Variants in SUPT3H observed in about 807,000 individuals in gnomAD.
SUPT3H encodes the protein transcription initiation protein SPT3 homolog.
A neutral mutation model predicts 44.3 loss-of-function variants in SUPT3H; 44 were observed. The observed-to-expected ratio is 0.99, with a 90% CI of 0.78 to 1.28. The LOEUF (loss-of-function observed/expected upper bound fraction) is 1.28. Among genes scored for constraint, SUPT3H ranks in the 50% most tolerant of loss-of-function variants. SUPT3H has a pLI of 0.00. For missense variants in SUPT3H, 380 were observed against 387.1 expected (o/e 0.98, Z 0.15); for synonymous variants, 124 against 125.6 (o/e 0.99, Z 0.09).
chr6:45,287,927 G>C (rs573540534), intron 2 of SUPT3H, among the ~76,000 whole-genome samples: 6 of 152,210 alleles, frequency 3.9e-5, no homozygotes, highest in African/African-American at 1.4e-4. Context: ...TTGAAAATGA[G>C]ATCTGCTGCA....
intron 1 of SUPT3H, among the ~76,000 whole-genome samples, chr6:45,373,102 C>T (rs556860565): frequency 9.2e-5 from 14 of 152,226 alleles, no homozygotes; most frequent in Admixed American, 6.5e-4. Context: ...TCACCGCACC[C>T]GGCCCAGCTA....
intron 2 of SUPT3H, among the ~76,000 whole-genome samples, chr6:45,171,282 A>C (rs1189280324): frequency 1.3e-5 from 2 of 152,226 alleles, no homozygotes; most frequent in Non-Finnish European, 2.9e-5. Flanking sequence ...AGAAAAAAGC[A>C]ATCTGTCATA....
intron 2 of SUPT3H, among the ~76,000 whole-genome samples, chr6:45,146,516 A>T (rs1195065841): frequency 6.6e-6 from 1 of 152,150 alleles, no homozygotes; most frequent in Non-Finnish European, 1.5e-5. Flanking sequence ...AGAATCTCAG[A>T]AATCACCACT....
chr6:45,264,439 C>G (rs941878168), intron 2 of SUPT3H, among the ~76,000 whole-genome samples: 6 of 152,062 alleles, frequency 3.9e-5, no homozygotes, highest in African/African-American at 1.4e-4. Context: ...GCAGGTGGAT[C>G]ACTTGAGATC....
rs557766402 is a variant in SUPT3H, at chr6:45,292,335, C to T, written c.101+72866G>A. Among the ~76,000 whole-genome samples, 3 of 152,148 alleles carry T rather than the reference C, an allele frequency of 2.0e-5. No individual in the cohort carries two copies. The South Asian group carries it at 6.2e-4, about 32-fold the overall frequency. On this transcript the variant is annotated intron_variant, in intron 2 of 10. Transcript: ENST00000371459. ...CTGGAAGCACATCAAAATAGAACCA[C>T]TTTAAAGCATAAATCTCACAGGACC...
chr6:45,340,420 C>T (rs1258208020), intron 2 of SUPT3H, among the ~76,000 whole-genome samples: 1 of 152,032 alleles, frequency 6.6e-6, no homozygotes, highest in Non-Finnish European at 1.5e-5. Context: ...ACCTCCTGAG[C>T]TCAAGGGATC....
chr6:44,857,915 A>G (rs1774008452), intron 10 of SUPT3H, among the ~76,000 whole-genome samples: 1 of 152,212 alleles, frequency 6.6e-6, no homozygotes, highest in Non-Finnish European at 1.5e-5. Flanking sequence ...TTCTCAGAAC[A>G]CATAATGCTC....
intron 2 of SUPT3H, among the ~76,000 whole-genome samples, chr6:45,283,740 T>C (rs1015152596): frequency 6.6e-6 from 1 of 151,386 alleles, no homozygotes; most frequent in Non-Finnish European, 1.5e-5. Flanking sequence ...ACAGACATAA[T>C]AGACATCTAC....
At chr6:45,107,831 C>T (rs1038607950) in intron 2 of SUPT3H, among the ~76,000 whole-genome samples, 2 of 151,988 alleles carry the variant, frequency 1.3e-5, no homozygotes, top group African/African-American at 4.8e-5. Flanking sequence ...AGACCTACAG[C>T]CTATACATAC....
At chr6:45,367,569 C>T (rs1356805650) in intron 1 of SUPT3H, among the ~76,000 whole-genome samples, 2 of 152,070 alleles carry the variant, frequency 1.3e-5, no homozygotes, top group African/African-American at 4.8e-5. Context: ...CTGGATTTCT[C>T]AAAGACCTCA....
intron 10 of SUPT3H, among the ~76,000 whole-genome samples, chr6:44,849,220 CTTTTTTTT>C (rs143665414): frequency 8.3e-5 from 8 of 96,634 alleles, no homozygotes; most frequent in Admixed American, 6.2e-4. Flanking sequence ...CAAATGAATA[CTTTTTTTT>C]TTTTTTTTTT....
At chr6:44,846,736 A>G (rs1002608690) in intron 10 of SUPT3H, among the ~76,000 whole-genome samples, 9 of 151,996 alleles carry the variant, frequency 5.9e-5, no homozygotes, top group African/African-American at 2.2e-4. Flanking sequence ...GGTTCAAGCA[A>G]TTCTCCTGCC....
At chr6:45,275,033 T>G (rs1317433706) in intron 2 of SUPT3H, among the ~76,000 whole-genome samples, 1 of 152,206 alleles carries the variant, frequency 6.6e-6, no homozygotes, top group Non-Finnish European at 1.5e-5. Flanking sequence ...CTGAGATAAA[T>G]TTCCCTGAAA....
chr6:44,857,455 A>G (rs1773922911), intron 10 of SUPT3H, among the ~76,000 whole-genome samples: 1 of 152,188 alleles, frequency 6.6e-6, no homozygotes, highest in South Asian at 2.1e-4. Context: ...AAAAAAATCC[A>G]TATCAATTGG....
In SUPT3H at chr6:44,828,642, T is replaced by C. The variant is rs1018955608; in HGVS notation, c.*1174A>G. The C allele has an allele frequency of 4.6e-5, 7 of 152,164 alleles. No individual in the cohort carries two copies. Among genetic ancestry groups the C allele is most frequent in the African/African-American group, 1.7e-4 (7 of 41,448 alleles). The allele number at this position is 152,164 out of a possible 1,614,324, so 9.4% of individuals were successfully genotyped here. ...GGTGAAGGGAGAACTATTTCTACTT[T>C]CTTTACCCTTAAATCTAGGAAGCAG... On this transcript the variant is annotated 3_prime_UTR_variant, in exon 11 of 11. Transcript: ENST00000371459.
At chr6:45,043,134 T>TACACACACACACAC (rs773611251) in intron 3 of SUPT3H, among the ~76,000 whole-genome samples, 1 of 50,488 alleles carries the variant, frequency 2.0e-5, no homozygotes, top group African/African-American at 7.8e-5. Context: ...GTATCTTACA[T>TACACACACACACAC]ACACACATAC....
chr6:45,089,520 C>A (rs533633238), intron 3 of SUPT3H, among the ~76,000 whole-genome samples: 1 of 152,110 alleles, frequency 6.6e-6, no homozygotes, highest in African/African-American at 2.4e-5. Flanking sequence ...CTAAAACCAC[C>A]ATTTCTCTTC....
intron 2 of SUPT3H, among the ~76,000 whole-genome samples, chr6:45,251,981 T>G (rs1274574923): frequency 6.6e-6 from 1 of 152,048 alleles, no homozygotes; most frequent in South Asian, 2.1e-4. Context: ...CATGTTTAAA[T>G]AAAGAAAAGG....
intron 2 of SUPT3H, chr6:45,328,641 GGTATGGTTT>G: frequency 6.2e-7 from 1 of 1,610,188 alleles, no homozygotes; most frequent in Non-Finnish European, 8.5e-7. Flanking sequence ...ACAAGGTTTG[GGTATGGTTT>G]GTATTTTCAG....
Sources: allele counts gnomAD v4.1 joint callset (sites outside exome capture counted in the v4.1 genomes callset), GRCh38; gene constraint gnomAD v4.1.1; transcripts MANE v1.5; gene names NCBI Gene and HGNC (gene_info 2026-07-23, HGNC 2026-07-21).